EIF2AK3: variants seen among roughly 807,000 people sequenced by gnomAD.
The protein encoded by EIF2AK3 is eukaryotic translation initiation factor 2 alpha kinase 3, also known as eukaryotic translation initiation factor 2-alpha kinase 3.
In EIF2AK3, 50 loss-of-function variants were observed where a neutral mutation model predicts 113.5. The observed-to-expected ratio is 0.44, with a 90% confidence interval of 0.35 to 0.56. The LOEUF is 0.56. Ranked by LOEUF, EIF2AK3 falls within the 20% of genes least tolerant of loss-of-function variation. The pLI, the probability that EIF2AK3 is intolerant of heterozygous loss-of-function variation, is 0.00. For synonymous variants in EIF2AK3, 448 were observed against 495.4 expected (o/e 0.90, Z 1.27); for missense variants, 1,185 against 1,378.0 (o/e 0.86, Z 2.22).
At chr2:88,590,373 G>A in intron 6 of EIF2AK3, 70 bp downstream of exon 6, 2 of 1,529,274 alleles carry the variant, frequency 1.3e-6, no homozygotes, top group South Asian at 2.3e-5. Flanking sequence ...CCTGAAGTAG[G>A]AAGGAACAAT....
intron 14 of EIF2AK3, among the ~76,000 whole-genome samples, chr2:88,565,893 G>T (rs1014699078): frequency 6.6e-6 from 1 of 152,030 alleles, no homozygotes; most frequent in African/African-American, 2.4e-5. Flanking sequence ...AATTACCAGG[G>T]CCAATAGATT....
intron 11 of EIF2AK3, 90 bp from the exon 12 acceptor site, chr2:88,576,793 G>A: frequency 3.6e-6 from 5 of 1,390,676 alleles, no homozygotes; most frequent in Non-Finnish European, 5.0e-6. Flanking sequence ...CCTAAAATAT[G>A]TAGATGTATT....
chr2:88,591,118 T>C, intron 4 of EIF2AK3, 66 bp from the exon 5 acceptor site: 2 of 1,379,586 alleles, frequency 1.4e-6, no homozygotes, highest in Middle Eastern at 3.6e-4. Context: ...AATATAGAAC[T>C]CTTCTAGATT....
At position 88,586,851 on chromosome 2, in the gene EIF2AK3, C is replaced by T. The variant is rs1674743623; in HGVS notation, c.1430-790G>A. Among the ~76,000 whole-genome samples, 3 of 151,392 alleles carry T rather than the reference C, an allele frequency of 2.0e-5. 1 individual carries two copies. Among genetic ancestry groups the T allele is most frequent in the Admixed American group, 2.0e-4 (3 of 15,220 alleles). ...AAGTGATCCACCCGCCTCAGCCTCC[C>T]AAAGTGCTGGGATTACAGGCATGAG... On this transcript the variant is annotated intron_variant, in intron 8 of 16. Coordinates refer to ENST00000303236, the MANE Select transcript of EIF2AK3 (RefSeq NM_004836.7).
intron 4 of EIF2AK3, among the ~76,000 whole-genome samples, chr2:88,592,768 A>G (rs970573234): frequency 2.0e-5 from 3 of 151,944 alleles, no homozygotes; most frequent in Admixed American, 1.3e-4. Flanking sequence ...GGTCTCAAAA[A>G]AAAAAAAAAA....
At chr2:88,562,076 A>G (rs1352453756) in intron 15 of EIF2AK3, among the ~76,000 whole-genome samples, 1 of 150,220 alleles carries the variant, frequency 6.7e-6, no homozygotes, top group Non-Finnish European at 1.5e-5. Context: ...AAAACTAAGA[A>G]CAAACAATCT....
At chr2:88,558,155 A>G (rs946976281) in intron 16 of EIF2AK3, among the ~76,000 whole-genome samples, 1 of 152,144 alleles carries the variant, frequency 6.6e-6, no homozygotes, top group African/African-American at 2.4e-5. Context: ...TTCCAATAGA[A>G]CTTTATTATA....
chr2:88,621,233 G>C (rs1024827476), intron 1 of EIF2AK3, among the ~76,000 whole-genome samples: 1 of 152,126 alleles, frequency 6.6e-6, no homozygotes, highest in South Asian at 2.1e-4. Flanking sequence ...CAATGAATAC[G>C]CAATAAAAAA....
intron 1 of EIF2AK3, among the ~76,000 whole-genome samples, chr2:88,621,096 C>A (rs568659022): frequency 1.9e-4 from 29 of 152,194 alleles, no homozygotes; most frequent in Non-Finnish European, 3.5e-4. Context: ...TGTAAGTTTG[C>A]ATAAGTGGCA....
Position 88,557,192 on chromosome 2 carries a change from T to C in EIF2AK3, c.*544A>G, listed in dbSNP as rs1173495873. On this transcript the variant is annotated 3_prime_UTR_variant, in exon 17 of 17. Coordinates refer to ENST00000303236, the MANE Select transcript of EIF2AK3 (RefSeq NM_004836.7). ...GAATAAAGCTATTGAATGCTACAAA[T>C]AGGACTATAAAACTACGGACATAAA... 2 of 157,636 alleles carry C rather than the reference T, an allele frequency of 1.3e-5. No individual in the cohort carries two copies. The highest frequency in any genetic ancestry group is 6.1e-5 in the Admixed American group (1 of 16,350). The allele number at this position is 157,636 out of a possible 1,614,324, so 9.8% of individuals were successfully genotyped here. A position where few individuals can be genotyped will look rare whatever the true frequency, so the allele number is the denominator to read the frequency against.
chr2:88,574,999 A>G lies in EIF2AK3; in HGVS notation c.2484T>C (p.His828=). The G allele has an allele frequency of 4.3e-6, 7 of 1,614,218 alleles. No homozygotes were observed. Among genetic ancestry groups the G allele is most frequent in the Non-Finnish European group, 5.9e-6 (7 of 1,180,032 alleles). ...SKEEPKTNRL[H]IGNHCANKLT... ...GTTTATTAGCACAATGGTTGCCAATATGCAATCGATTAGTTTTCGGCTCTT... is the reference window on the plus strand; with the variant it reads ...GTTTATTAGCACAATGGTTGCCAATGTGCAATCGATTAGTTTTCGGCTCTT... Residue 828 remains histidine (H), a synonymous_variant, in exon 13 of 17, where the codon CAT becomes CAC. Transcript: ENST00000303236.
intron 2 of EIF2AK3, among the ~76,000 whole-genome samples, chr2:88,600,825 C>T (rs1360766938): frequency 1.3e-5 from 2 of 152,168 alleles, no homozygotes; most frequent in African/African-American, 4.8e-5. Flanking sequence ...ATTCCTCTAA[C>T]CATAAGAAAA....
chr2:88,592,321 T>G lies in EIF2AK3; in HGVS notation c.767+951A>C, dbSNP rs370609733. On this transcript the variant is annotated intron_variant, in intron 4 of 16. Coordinates refer to ENST00000303236, the MANE Select transcript of EIF2AK3 (RefSeq NM_004836.7). Reference sequence around the variant, plus strand: ...CTTCAAGAAAATTGAATAAGATGATTATTATTTTAAAATTGAGATAATCAA... The same window carrying G: ...CTTCAAGAAAATTGAATAAGATGATGATTATTTTAAAATTGAGATAATCAA... 1.6e-4 allele frequency among the ~76,000 whole-genome samples: 24 copies of G among 152,298 alleles called. 1 individual carries two copies. In the South Asian group the frequency reaches 2.1e-3, roughly 13 times the overall value.
At chr2:88,559,170 A>C (rs1673871437) in intron 15 of EIF2AK3, among the ~76,000 whole-genome samples, 191 bp from the exon 16 acceptor site, 1 of 152,202 alleles carries the variant, frequency 6.6e-6, no homozygotes, top group African/African-American at 2.4e-5. Flanking sequence ...ATATCCTCAA[A>C]ATATACAGCT....
At position 88,595,506 on chromosome 2, in the gene EIF2AK3, G is replaced by A; in HGVS notation, c.596C>T (p.Ser199Phe). 6.2e-7 allele frequency: 1 copy of A among 1,613,940 alleles called. No homozygotes were observed. The highest frequency in any genetic ancestry group is 8.5e-7 in the Non-Finnish European group (1 of 1,179,958). ...GDDVVLVGGK[S>F]LTTYGLSAYS... The stretch of plus-strand genomic sequence containing the variant: ...TGCACTGAGTCCATATGTAGTCAGA[G>A]ATTTTCCTCCAACCAAAACAACATC... The change falls in exon 3 of 17, where the codon TCT becomes TTT. Residue 199 changes from serine (S) to phenylalanine (F), a missense_variant. By Grantham distance (155) the Ser-to-Phe change is radical. Around this residue, in one of 3 missense-constraint regions of EIF2AK3, gnomAD observed 119 missense variants for 178.7 expected, o/e 0.67. Coordinates refer to ENST00000303236, the MANE Select transcript of EIF2AK3 (RefSeq NM_004836.7).
chr2:88,610,131 AAAAAC>A (rs542477784), intron 2 of EIF2AK3, among the ~76,000 whole-genome samples: 3 of 152,104 alleles, frequency 2.0e-5, no homozygotes, highest in Admixed American at 6.5e-5. Context: ...CTAAAAGACA[AAAAAC>A]AAAACAAAAC....
chr2:88,624,336 C>T (rs1339770322), intron 1 of EIF2AK3, among the ~76,000 whole-genome samples: 2 of 152,128 alleles, frequency 1.3e-5, no homozygotes, highest in African/African-American at 2.4e-5. Flanking sequence ...CTTTTCAGTA[C>T]ATAAGTAAGT....
intron 2 of EIF2AK3, among the ~76,000 whole-genome samples, chr2:88,596,076 T>C (rs1235658128): frequency 6.6e-6 from 1 of 152,230 alleles, no homozygotes; most frequent in Non-Finnish European, 1.5e-5. Flanking sequence ...ATGTGTAATA[T>C]GAATATTTAA....
At chr2:88,627,995 TAGGA>T (rs1459276399), upstream of EIF2AK3, 3 of 152,232 alleles carry the variant, frequency 2.0e-5, no homozygotes, top group African/African-American at 7.2e-5. Context: ...CTAGTCTACT[TAGGA>T]AGGCAAAAGC....
Sources: allele counts gnomAD v4.1 joint callset (sites outside exome capture counted in the v4.1 genomes callset), GRCh38; gene constraint gnomAD v4.1.1; regional missense constraint gnomAD v4.1.1; transcripts MANE v1.5; gene names NCBI Gene and HGNC (gene_info 2026-07-23, HGNC 2026-07-21).